The following SEC13 variants were observed in gnomAD, a reference collection of about 807,000 sequenced individuals.
SEC13 encodes protein SEC13 homolog.
SEC13 carries 25 observed loss-of-function variants against 49.2 expected under a neutral mutation model. The ratio of observed to expected loss-of-function variants is 0.51; its 90% CI spans 0.37 to 0.71. SEC13 has a LOEUF of 0.71. SEC13 is among the 30% of genes least tolerant of loss of function. The probability of loss-of-function intolerance (pLI) is 0.00; values close to 1 mark genes in which losing one functional copy is unlikely to be tolerated. For missense variants in SEC13, 383 were observed against 417.6 expected (o/e 0.92, Z 0.72); for synonymous variants, 148 against 163.9 (o/e 0.90, Z 0.74).
At chr3:10,301,904 A>C (rs929616570) in intron 8 of SEC13, among the ~76,000 whole-genome samples, 8 of 152,126 alleles carry the variant, frequency 5.3e-5, no homozygotes, top group Admixed American at 2.0e-4. Flanking sequence ...CTAAGAGCTG[A>C]AAAGGTTTGC....
intron 6 of SEC13, 106 bp downstream of exon 6, chr3:10,305,453 G>T: frequency 7.2e-7 from 1 of 1,394,790 alleles, no homozygotes; most frequent in Non-Finnish European, 9.9e-7. Context: ...TGGCAGGAGG[G>T]AGAAAGAAAG....
intron 1 of SEC13, chr3:10,320,842 G>A (rs1255808638): frequency 1.5e-5 from 20 of 1,317,366 alleles, no homozygotes; most frequent in Admixed American, 3.9e-5. Flanking sequence ...GGCGCGCCCC[G>A]CAAAGTCAGG....
At chr3:10,314,681 G>C (rs1223445709) in intron 3 of SEC13, among the ~76,000 whole-genome samples, 2 of 152,238 alleles carry the variant, frequency 1.3e-5, no homozygotes, top group African/African-American at 4.8e-5. Context: ...CTGAGGGAAA[G>C]CAGTAGAGAT....
intron 6 of SEC13, 168 bp from the exon 7 acceptor site, chr3:10,305,324 T>A: frequency 8.6e-7 from 1 of 1,158,234 alleles, no homozygotes; most frequent in Non-Finnish European, 1.2e-6. Context: ...AAAAAAACCC[T>A]CCAGAAAATG....
rs963636411 is a variant in SEC13 at position 10,314,576 on chromosome 3, CCT to C, written c.164+743_164+744del. ...GTCACTGAAAATGCATTTTTTTCCC[CCT>C]GTCCCAATTCATCAACCCCTGAACT... is the stretch of plus-strand genomic sequence containing the variant. On this transcript the variant is annotated intron_variant, in intron 3 of 8. Transcript: ENST00000350697. Among the ~76,000 whole-genome samples, 14 of 152,138 alleles carry C rather than the reference CCT, an allele frequency of 9.2e-5. No homozygotes were observed. In the East Asian group the frequency reaches 1.7e-3, roughly 19 times the overall value.
At chr3:10,320,916 C>T (rs554247210) in intron 1 of SEC13, 134 bp downstream of exon 1, 4 of 1,495,094 alleles carry the variant, frequency 2.7e-6, no homozygotes, top group East Asian at 5.2e-5. Context: ...GGCCAGAGCC[C>T]CCCAAATCTC....
Position 10,312,817 on chromosome 3 carries a change from A to G in SEC13, c.165-87T>C, listed in dbSNP as rs568737309. On this transcript the variant is annotated intron_variant, in intron 3 of 8. Transcript: ENST00000350697. ...GAACTAAATGGCTCCCTGAGACGAT[A>G]TATCAGGGCAGAATTGCTTAAGAAC... The G allele has an allele frequency of 5.2e-5, 68 of 1,315,466 alleles. No individual in the cohort carries two copies. In the East Asian group the frequency reaches 7.8e-4, roughly 15 times the overall value. 81.5% of individuals were successfully genotyped at this position (1,315,466 alleles called of 1,614,324 possible). A position where few individuals can be genotyped will look rare whatever the true frequency, so the allele number is the denominator to read the frequency against.
chr3:10,302,499 A>G (rs1700600884), intron 8 of SEC13, among the ~76,000 whole-genome samples: 1 of 152,240 alleles, frequency 6.6e-6, no homozygotes, highest in Admixed American at 6.5e-5. Flanking sequence ...CACTGCGTGC[A>G]CAGCCAGGCA....
chr3:10,312,651 T>G lies in SEC13; in HGVS notation c.244A>C (p.Lys82Gln). 1 of 1,614,124 alleles carries G rather than the reference T, an allele frequency of 6.2e-7. No homozygotes were observed. Among genetic ancestry groups the G allele is most frequent in the Non-Finnish European group, 8.5e-7 (1 of 1,180,014 alleles). ...TTTTCCTCTCTCCAGATAATGACTT[T>G]CCGGTCATAGGAGCACGATGCCAGG... ...NILASCSYDR[K>Q]VIIWREENGT... The change falls in exon 4 of 9, where the codon AAA (lysine) becomes CAA (glutamine). Residue 82 changes from lysine to glutamine, a missense_variant. Lys to Gln is a moderately conservative substitution (Grantham distance 53). Transcript: ENST00000350697.
intron 1 of SEC13, among the ~76,000 whole-genome samples, chr3:10,319,549 G>T (rs1233895735): frequency 6.6e-6 from 1 of 152,030 alleles, no homozygotes; most frequent in South Asian, 2.1e-4. Flanking sequence ...TTCTAATGCT[G>T]AGTCCACAAA....
Position 10,312,018 on chromosome 3 carries a change from T to A in SEC13, c.397A>T (p.Thr133Ser). Residue 133 changes from threonine to serine, a missense_variant, in exon 5 of 9, where the codon ACT (threonine) becomes TCT (serine). Thr to Ser is a moderately conservative substitution (Grantham distance 58, BLOSUM62 1). Coordinates refer to ENST00000350697, the MANE Select transcript of SEC13 (RefSeq NM_183352.3). ...TCCCATTGGCCTTCCCCGGTGTAAG[T>A]CAGCAGGGAGATGGCCCCATCCGAG... ...GSSDGAISLL[T>S]YTGEGQWEVK... 1.2e-6 allele frequency: 2 copies of A among 1,614,084 alleles called. No homozygotes were observed. The highest frequency in any genetic ancestry group is 1.7e-6 in the Non-Finnish European group (2 of 1,179,996).
intron 5 of SEC13, among the ~76,000 whole-genome samples, chr3:10,310,576 CAT>C (rs1221040761): frequency 2.6e-4 from 40 of 152,252 alleles, no homozygotes; most frequent in Non-Finnish European, 1.9e-4. Flanking sequence ...AAATGACAGA[CAT>C]ATGTTAGTGA....
In SEC13 at chr3:10,312,715, C is replaced by G; in HGVS notation, c.180G>C (p.Val60=). ...TGGGGTGAGCCCAGGCCACTTGCCA[C>G]ACAGGACCCTCATGACTACAAAGGG... ...IADLRGHEGP[V]WQVAWAHPMY... The change falls in exon 4 of 9, where the codon GTG becomes GTC. Residue 60 remains valine (V), a synonymous_variant. Coordinates refer to ENST00000350697, the MANE Select transcript of SEC13 (RefSeq NM_183352.3). The G allele has an allele frequency of 6.2e-7, 1 of 1,614,198 alleles. No homozygotes were observed. The highest frequency in any genetic ancestry group is 8.5e-7 in the Non-Finnish European group (1 of 1,180,024).
intron 1 of SEC13, chr3:10,319,019 G>C (rs2059714479): frequency 1.1e-6 from 1 of 901,100 alleles, no homozygotes; most frequent in African/African-American, 1.7e-5. Context: ...TTTGCTGAAT[G>C]AATAAGTAAA....
Position 10,321,058 on chromosome 3 carries a change from C to A in SEC13, c.-6G>T. The A allele has an allele frequency of 6.2e-7, 1 of 1,613,164 alleles. No homozygotes were observed. On this transcript the variant is annotated 5_prime_UTR_variant, in exon 1 of 9. Transcript: ENST00000350697. The surrounding 1 kb of genome is among the most constrained non-coding windows in gnomAD (Gnocchi z 4.1). ...TCAGTACCAACACTCACCATGATTG[C>A]GGCGGTGGCTGCTCCAGGTCTCGGA...
At chr3:10,302,676 A>C (rs1197489145) in intron 8 of SEC13, among the ~76,000 whole-genome samples, 1 of 152,124 alleles carries the variant, frequency 6.6e-6, no homozygotes, top group Non-Finnish European at 1.5e-5. Flanking sequence ...ACCACTGTAG[A>C]TGAAAGGGAC....
At chr3:10,303,962 C>G in intron 8 of SEC13, 64 bp downstream of exon 8, 1 of 1,587,774 alleles carries the variant, frequency 6.3e-7, no homozygotes, top group Non-Finnish European at 8.6e-7. Context: ...CAAGTGCCCT[C>G]TCTAGTGGGC....
rs79813946 is a variant in SEC13 at position 10,305,208 on chromosome 3, A to C, written c.585-52T>G. 7.7e-4 allele frequency: 1,187 copies of C among 1,550,864 alleles called. 8 individuals carry two copies. The African/African-American group carries it at 0.015, about 19-fold the overall frequency. On this transcript the variant is annotated intron_variant, in intron 6 of 8. Coordinates refer to ENST00000350697, the MANE Select transcript of SEC13 (RefSeq NM_183352.3). ...AGCAGGGGGCCGTTCCCACACCTCAACTCCTCCCCAACCCAACAGGCTCTG... is the reference window on the plus strand; with the variant it reads ...AGCAGGGGGCCGTTCCCACACCTCACCTCCTCCCCAACCCAACAGGCTCTG...
At chr3:10,311,539 C>T (rs1186838099) in intron 5 of SEC13, 10 of 594,482 alleles carry the variant, frequency 1.7e-5, no homozygotes, top group African/African-American at 8.0e-5. Flanking sequence ...CACTGTCACT[C>T]GCTGATTCAC....
Sources: allele counts gnomAD v4.1 joint callset (sites outside exome capture counted in the v4.1 genomes callset), GRCh38; gene constraint gnomAD v4.1.1; non-coding constraint Gnocchi (gnomAD v3.1); transcripts MANE v1.5; gene names NCBI Gene and HGNC (gene_info 2026-07-23, HGNC 2026-07-21).